The following MAST2 variants were observed in gnomAD, a reference collection of about 807,000 sequenced individuals.
MAST2 encodes microtubule associated serine/threonine kinase 2, also known as microtubule-associated serine/threonine-protein kinase 2.
Under a neutral mutation model 147.4 loss-of-function variants are expected in MAST2, and 70 were observed. The observed-to-expected ratio is 0.47, with a 90% CI of 0.39 to 0.58. MAST2 has a LOEUF of 0.58. MAST2 is among the 20% of genes least tolerant of loss of function. The probability of loss-of-function intolerance (pLI) is 0.00; values close to 1 mark genes in which losing one functional copy is unlikely to be tolerated. For missense variants in MAST2, 2,080 were observed against 2,302.3 expected (o/e 0.90, Z 1.98); for synonymous variants, 869 against 896.8 (o/e 0.97, Z 0.55).
chr1:45,942,236 A>G (rs944462040), intron 4 of MAST2, among the ~76,000 whole-genome samples: 3 of 151,916 alleles, frequency 2.0e-5, no homozygotes, highest in African/African-American at 7.3e-5. Flanking sequence ...ATTTTCTTAG[A>G]CTGTTGCTAT....
At chr1:45,926,170 A>G (rs1654332402) in intron 4 of MAST2, among the ~76,000 whole-genome samples, 1 of 152,096 alleles carries the variant, frequency 6.6e-6, no homozygotes, top group African/African-American at 2.4e-5. Flanking sequence ...AGATTACTTC[A>G]CTTCTTTCTA....
chr1:46,016,202 A>G (rs1346832860), intron 10 of MAST2, among the ~76,000 whole-genome samples: 6 of 97,854 alleles, frequency 6.1e-5, no homozygotes, highest in Admixed American at 2.1e-4. Context: ...ATCTATGACA[A>G]ACCCACAGCC....
intron 20 of MAST2, 84 bp from the exon 21 acceptor site, chr1:46,030,045 T>G: frequency 6.2e-7 from 1 of 1,602,566 alleles, no homozygotes; most frequent in Non-Finnish European, 8.5e-7. Context: ...GAGCAACTTC[T>G]CAGGGCTCTG....
intron 4 of MAST2, among the ~76,000 whole-genome samples, chr1:45,946,431 C>A (rs1221723747): frequency 1.3e-5 from 2 of 152,086 alleles, no homozygotes; most frequent in Non-Finnish European, 2.9e-5. Flanking sequence ...TATATTTGGC[C>A]AATTTCCTCC....
chr1:45,983,952 A>G (rs1269915806), intron 5 of MAST2, among the ~76,000 whole-genome samples: 5 of 152,226 alleles, frequency 3.3e-5, no homozygotes, highest in Admixed American at 6.5e-5. Context: ...GAAAAAAGCA[A>G]TTTGAAGATG....
At chr1:45,843,218 T>G (rs753649610) in intron 3 of MAST2, among the ~76,000 whole-genome samples, 4 of 152,182 alleles carry the variant, frequency 2.6e-5, no homozygotes, top group Non-Finnish European at 5.9e-5. Flanking sequence ...TTTCCTGTTC[T>G]GTGTGTTGTC....
chr1:45,848,814 T>C (rs1009990082), intron 3 of MAST2, among the ~76,000 whole-genome samples: 1 of 152,208 alleles, frequency 6.6e-6, no homozygotes, highest in Non-Finnish European at 1.5e-5. Context: ...GATGACATGA[T>C]TGTATGTGTA....
chr1:46,031,061 C>T lies in MAST2; in HGVS notation c.2763C>T (p.Ser921=), dbSNP rs764618240. 2.5e-6 allele frequency: 4 copies of T among 1,613,808 alleles called. No homozygotes were observed. In the South Asian group the frequency reaches 4.4e-5, roughly 18 times the overall value. ...SESSHTESDS[S]PPMTVRRRCS... ...CATCCCACACAGAGAGTGACTCAAG[C>T]CCTCCAATGACAGTGCGACGCCGCT... Residue 921 remains serine (S), a synonymous_variant, in exon 23 of 29, where the codon AGC becomes AGT. Coordinates refer to ENST00000361297, the MANE Select transcript of MAST2 (RefSeq NM_015112.3). The surrounding 1 kb of genome is among the most constrained non-coding windows in gnomAD (Gnocchi z 4.1).
intron 3 of MAST2, among the ~76,000 whole-genome samples, chr1:45,858,289 T>C (rs1645859395): frequency 6.6e-6 from 1 of 152,192 alleles, no homozygotes; most frequent in South Asian, 2.1e-4. Flanking sequence ...TTCCTGACTT[T>C]TTAATGATTG....
intron 5 of MAST2, among the ~76,000 whole-genome samples, chr1:45,965,278 A>G (rs1379133180): frequency 6.6e-6 from 1 of 152,058 alleles, no homozygotes; most frequent in Non-Finnish European, 1.5e-5. Context: ...TATCCTTGTT[A>G]ACTTTCTGTC....
intron 4 of MAST2, among the ~76,000 whole-genome samples, chr1:45,920,626 A>T (rs1653310470): frequency 2.6e-5 from 4 of 152,190 alleles, no homozygotes; most frequent in Admixed American, 2.6e-4. Context: ...GCTTTATGAG[A>T]TTATTGGTTG....
rs1448764280 is a variant in MAST2 at position 45,806,635 on chromosome 1, C to T, written c.177+2563C>T. Among the ~76,000 whole-genome samples, 8 of 152,118 alleles carry T rather than the reference C, an allele frequency of 5.3e-5. No homozygotes were observed. The South Asian group carries it at 6.2e-4, about 12-fold the overall frequency. The stretch of plus-strand genomic sequence containing the variant: ...CTCTCTCGCCCAGGCTGGAGTGCAG[C>T]GGCACATTCTCAGCTCACTGCAACC... On this transcript the variant is annotated intron_variant, in intron 1 of 28. Transcript: ENST00000361297.
In MAST2 at chr1:45,939,756, G is replaced by A. The variant is rs543171089; in HGVS notation, c.501-19630G>A. Among the ~76,000 whole-genome samples, 10 of 152,196 alleles carry A rather than the reference G, an allele frequency of 6.6e-5. No homozygotes were observed. In the South Asian group the frequency reaches 1.7e-3, roughly 25 times the overall value. ...GGAGTTTCACCATGTTGGCCAGGCT[G>A]GTCTCAAACTCCTGACCTCGTGATC... On this transcript the variant is annotated intron_variant, in intron 4 of 28. Transcript: ENST00000361297.
chr1:45,863,280 C>A (rs1419427326), intron 3 of MAST2, among the ~76,000 whole-genome samples: 1 of 152,162 alleles, frequency 6.6e-6, no homozygotes, highest in Non-Finnish European at 1.5e-5. Flanking sequence ...TAGAGGAGTT[C>A]TATGACTTTA....
chr1:45,972,328 C>T (rs72893202), intron 5 of MAST2, among the ~76,000 whole-genome samples: 5,205 of 152,282 alleles, frequency 0.034, 312 homozygotes, highest in African/African-American at 0.12. Context: ...TGGGGCTGGC[C>T]GTGTGCCACA....
At chr1:45,929,594 C>A (rs560313766) in intron 4 of MAST2, among the ~76,000 whole-genome samples, 1 of 152,254 alleles carries the variant, frequency 6.6e-6, no homozygotes, top group South Asian at 2.1e-4. Context: ...TCCCTAGATG[C>A]CACAAGAGGA....
At chr1:45,854,051 T>C (rs1294878409) in intron 3 of MAST2, among the ~76,000 whole-genome samples, 1 of 152,084 alleles carries the variant, frequency 6.6e-6, no homozygotes, top group Non-Finnish European at 1.5e-5. Flanking sequence ...CAGTTGGACA[T>C]ATTCAGGCCG....
At chr1:46,010,151 G>A (rs141507448) in intron 9 of MAST2, among the ~76,000 whole-genome samples, 3 of 152,282 alleles carry the variant, frequency 2.0e-5, no homozygotes, top group African/African-American at 7.2e-5. Flanking sequence ...TTAAGTAAGA[G>A]GATCCTGAGT....
intron 5 of MAST2, among the ~76,000 whole-genome samples, chr1:45,973,373 A>T (rs1644002813): frequency 6.6e-6 from 1 of 152,146 alleles, no homozygotes; most frequent in Admixed American, 6.6e-5. Flanking sequence ...CACCACCTCT[A>T]ATCTTTCTAT....
Sources: allele counts gnomAD v4.1 joint callset (sites outside exome capture counted in the v4.1 genomes callset), GRCh38; gene constraint gnomAD v4.1.1; non-coding constraint Gnocchi (gnomAD v3.1); transcripts MANE v1.5; gene names NCBI Gene and HGNC (gene_info 2026-07-23, HGNC 2026-07-21).